CCDC3: variants seen among roughly 807,000 people sequenced by gnomAD.
CCDC3 encodes coiled-coil domain containing 3.
CCDC3 carries 24 observed loss-of-function variants against 21.4 expected under a neutral mutation model. The ratio of observed to expected loss-of-function variants is 1.12; its 90% CI spans 0.81 to 1.58. The LOEUF is 1.58. Ranked by LOEUF, CCDC3 falls within the 40% of genes most tolerant of loss-of-function variation. The pLI is 0.00. For missense variants in CCDC3, 425 were observed against 360.9 expected (o/e 1.18, Z -1.44); for synonymous variants, 186 against 166.0 (o/e 1.12, Z -0.93).
intron 4 of CCDC3, among the ~76,000 whole-genome samples, chr10:13,072,163 G>C (rs1167620893): frequency 6.6e-6 from 1 of 152,054 alleles, no homozygotes; most frequent in African/African-American, 2.4e-5. Context: ...TTTGATATAT[G>C]TTTCCTAATA....
intron 2 of CCDC3, among the ~76,000 whole-genome samples, chr10:12,963,829 C>A (rs1835216579): frequency 1.3e-5 from 2 of 152,106 alleles, no homozygotes; most frequent in African/African-American, 4.8e-5. Context: ...GTGATCCACC[C>A]AGCTCAGCCT....
intron 2 of CCDC3, chr10:13,098,680 T>G (rs991661366): frequency 6.7e-6 from 1 of 149,926 alleles, no homozygotes; most frequent in African/African-American, 2.5e-5. Flanking sequence ...CCAAGCCCTT[T>G]TCATGAATGA....
At chr10:12,989,898 T>C (rs2131279188) in intron 2 of CCDC3, among the ~76,000 whole-genome samples, 1 of 152,090 alleles carries the variant, frequency 6.6e-6, no homozygotes, top group South Asian at 2.1e-4. Context: ...ATTCTAGCAG[T>C]CATTGCATTC....
chr10:12,965,660 A>G (rs1490669274), intron 2 of CCDC3, among the ~76,000 whole-genome samples: 4 of 152,234 alleles, frequency 2.6e-5, no homozygotes, highest in African/African-American at 9.6e-5. Flanking sequence ...GTGATTAGCC[A>G]TGACATTCAA....
chr10:13,077,621 A>G (rs1836982719), intron 3 of CCDC3, among the ~76,000 whole-genome samples: 1 of 151,896 alleles, frequency 6.6e-6, no homozygotes. Context: ...CTACAAGGCT[A>G]CAGTAACCAA....
chr10:13,058,650 A>G (rs2131430643), intron 4 of CCDC3: 6 of 546,176 alleles, frequency 1.1e-5, no homozygotes, highest in Non-Finnish European at 2.0e-5. Flanking sequence ...AGTTGGCCTT[A>G]TTTTTAACAA....
chr10:13,058,315 G>T, intron 4 of CCDC3: 1 of 1,336,500 alleles, frequency 7.5e-7, no homozygotes, highest in South Asian at 1.2e-5. Context: ...CCTTCACTTG[G>T]CCTTCATAGA....
intron 5 of CCDC3, among the ~76,000 whole-genome samples, chr10:13,014,366 C>T (rs558141919): frequency 1.7e-4 from 25 of 148,900 alleles, no homozygotes; most frequent in Middle Eastern, 3.6e-3. Flanking sequence ...AGGAGAATGG[C>T]GGGAACCCAG....
At chr10:12,956,771 C>T (rs952309220) in intron 2 of CCDC3, among the ~76,000 whole-genome samples, 1 of 152,150 alleles carries the variant, frequency 6.6e-6, no homozygotes, top group Non-Finnish European at 1.5e-5. Context: ...CTCCTCCCTC[C>T]ACCCACCACC....
intron 2 of CCDC3, among the ~76,000 whole-genome samples, chr10:12,943,042 A>AT (rs1227450881): frequency 9.9e-5 from 15 of 152,184 alleles, no homozygotes; most frequent in Admixed American, 7.8e-4. Flanking sequence ...CGTATGTGTG[A>AT]TTTTTTTCTA....
chr10:12,944,137 C>T (rs1267747798), intron 2 of CCDC3, among the ~76,000 whole-genome samples: 1 of 152,154 alleles, frequency 6.6e-6, no homozygotes, highest in Non-Finnish European at 1.5e-5. Context: ...AATTATTTTA[C>T]CCCAAAATAT....
chr10:13,063,603 A>G (rs1419624665), intron 4 of CCDC3, among the ~76,000 whole-genome samples: 3 of 152,210 alleles, frequency 2.0e-5, no homozygotes, highest in Non-Finnish European at 4.4e-5. Flanking sequence ...AGCCACGTAA[A>G]TAGTAAGGAA....
At chr10:13,025,491 T>C (rs1234579583) in intron 5 of CCDC3, among the ~76,000 whole-genome samples, 2 of 152,340 alleles carry the variant, frequency 1.3e-5, no homozygotes, top group Middle Eastern at 3.4e-3. Flanking sequence ...TATCACAGCC[T>C]TCATTTGGTT....
At chr10:13,015,738 C>T (rs1329749815) in intron 5 of CCDC3, among the ~76,000 whole-genome samples, 1 of 152,014 alleles carries the variant, frequency 6.6e-6, no homozygotes, top group Non-Finnish European at 1.5e-5. Flanking sequence ...CCAGGAACTG[C>T]CCATCCCGAT....
chr10:12,912,318 C>T (rs532059353), intron 2 of CCDC3, among the ~76,000 whole-genome samples: 1 of 152,230 alleles, frequency 6.6e-6, no homozygotes, highest in Admixed American at 6.5e-5. Context: ...AATAGCCCTT[C>T]TAACGGGTGT....
intron 2 of CCDC3, among the ~76,000 whole-genome samples, chr10:12,955,321 G>T (rs1205284424): frequency 1.3e-5 from 2 of 152,174 alleles, no homozygotes; most frequent in African/African-American, 4.8e-5. Context: ...TTTTGCTTAA[G>T]AAGACTCTAC....
intron 2 of CCDC3, among the ~76,000 whole-genome samples, chr10:12,955,176 A>T (rs1353371852): frequency 6.6e-6 from 1 of 152,258 alleles, no homozygotes; most frequent in Non-Finnish European, 1.5e-5. Context: ...CAGTGAAGTG[A>T]TGAATCACAC....
intron 2 of CCDC3, among the ~76,000 whole-genome samples, chr10:12,978,186 G>A (rs1161911909): frequency 6.6e-6 from 1 of 151,934 alleles, no homozygotes; most frequent in Non-Finnish European, 1.5e-5. Flanking sequence ...ACCTGGCTAA[G>A]TTTTTTGTAT....
intron 5 of CCDC3, among the ~76,000 whole-genome samples, chr10:13,037,939 G>T (rs187278499): frequency 1.3e-3 from 196 of 152,222 alleles, no homozygotes; most frequent in Admixed American, 4.1e-3. Flanking sequence ...GTGGAGGAGG[G>T]AAACTAACAA....
Sources: gnomAD v4.1 joint callset for allele counts (sites outside exome capture counted in the v4.1 genomes callset) on GRCh38, gnomAD v4.1.1 for gene constraint, MANE v1.5 for transcripts, NCBI Gene and HGNC (gene_info 2026-07-23, HGNC 2026-07-21) for gene names.